Variants in GSK3B observed in about 807,000 individuals in gnomAD.
GSK3B encodes glycogen synthase kinase-3 beta.
A neutral mutation model predicts 56.4 loss-of-function variants in GSK3B; 15 were observed. That is an observed-to-expected ratio of 0.27 (90% confidence interval 0.18 to 0.41). The LOEUF (loss-of-function observed/expected upper bound fraction) is 0.41, where lower values mean the gene tolerates loss of function less well. GSK3B is among the 10% of genes least tolerant of loss of function. The probability of loss-of-function intolerance (pLI) is 1.00; values close to 1 mark genes in which losing one functional copy is unlikely to be tolerated. For missense variants in GSK3B, 300 were observed against 513.4 expected (o/e 0.58, Z 4.02); for synonymous variants, 181 against 188.9 (o/e 0.96, Z 0.34).
At chr3:120,052,120 G>A (rs2058155502) in intron 1 of GSK3B, among the ~76,000 whole-genome samples, 1 of 152,136 alleles carries the variant, frequency 6.6e-6, no homozygotes, top group Non-Finnish European at 1.5e-5. Context: ...TCAATAAAGA[G>A]GGCTACCCCA....
intron 2 of GSK3B, among the ~76,000 whole-genome samples, chr3:119,960,724 A>G (rs1181370812): frequency 6.6e-6 from 1 of 152,228 alleles, no homozygotes; most frequent in Non-Finnish European, 1.5e-5. Flanking sequence ...ATTTACTCTC[A>G]GCAATCCTTA....
chr3:119,924,673 C>T (rs991418499), intron 3 of GSK3B, among the ~76,000 whole-genome samples: 6 of 152,212 alleles, frequency 3.9e-5, no homozygotes, highest in African/African-American at 1.4e-4. Flanking sequence ...CCTCTCTTCC[C>T]TTCTTAGCCT....
chr3:120,036,600 C>T (rs1026118008), intron 1 of GSK3B, among the ~76,000 whole-genome samples: 10 of 151,958 alleles, frequency 6.6e-5, no homozygotes, highest in Non-Finnish European at 1.0e-4. Flanking sequence ...CAAGACCAGC[C>T]GGGCCAACAT....
chr3:119,913,566 T>C (rs1576194896), intron 5 of GSK3B, among the ~76,000 whole-genome samples: 1 of 152,074 alleles, frequency 6.6e-6, no homozygotes, highest in South Asian at 2.1e-4. Flanking sequence ...TAAAATAAAC[T>C]GCTGTAGAAG....
rs148381189 is a variant in GSK3B, at chr3:119,880,045, C to T, written c.814-3537G>A. The stretch of plus-strand genomic sequence containing the variant: ...TTTAGTTTTTTTAGGAGCCTCCAAA[C>T]TGTTCTCCATGGAAGCAGTACTAAC... On this transcript the variant is annotated intron_variant, in intron 7 of 10. Coordinates refer to ENST00000264235, the MANE Select transcript of GSK3B (RefSeq NM_001146156.2). 7.6e-3 allele frequency among the ~76,000 whole-genome samples: 1,154 copies of T among 152,260 alleles called. 5 individuals are homozygous for T. The highest frequency in any genetic ancestry group is 0.012 in the Non-Finnish European group (835 of 68,022).
chr3:119,986,925 G>A (rs1005914563), intron 2 of GSK3B, among the ~76,000 whole-genome samples: 5 of 152,040 alleles, frequency 3.3e-5, no homozygotes, highest in South Asian at 2.1e-4. Flanking sequence ...TGGAACCAAC[G>A]CAAATGTCCA....
At chr3:119,831,840 T>C (rs1363756725) in intron 10 of GSK3B, among the ~76,000 whole-genome samples, 2 of 152,168 alleles carry the variant, frequency 1.3e-5, no homozygotes, top group Non-Finnish European at 2.9e-5. Flanking sequence ...ACCTGTCTAA[T>C]GCTACTATGG....
At chr3:119,998,534 A>G (rs559757209) in intron 2 of GSK3B, among the ~76,000 whole-genome samples, 2 of 152,348 alleles carry the variant, frequency 1.3e-5, no homozygotes, top group South Asian at 4.1e-4. Context: ...AAGCACTGAG[A>G]TAATAAAATC....
At chr3:119,896,185 G>A (rs1244125279) in intron 7 of GSK3B, among the ~76,000 whole-genome samples, 3 of 150,896 alleles carry the variant, frequency 2.0e-5, no homozygotes, top group Admixed American at 6.6e-5. Context: ...GACTGTTTTG[G>A]ACTTCATTCT....
At position 119,824,290 on chromosome 3, in the gene GSK3B, CCCA is replaced by C. The variant is rs1427491802; in HGVS notation, c.*2495_*2497del. 1.8e-5 allele frequency: 4 copies of C among 226,170 alleles called. No individual in the cohort carries two copies. In the East Asian group the frequency reaches 2.5e-4, roughly 14 times the overall value. 14.0% of individuals were successfully genotyped at this position (226,170 alleles called of 1,614,324 possible). On this transcript the variant is annotated 3_prime_UTR_variant, in exon 11 of 11. Transcript: ENST00000264235. ...CACTTGTATAAAAGAGTTCTGTGAT[CCCA>C]CCATGATCCTTGAGAAAGAAAAATC...
intron 1 of GSK3B, among the ~76,000 whole-genome samples, chr3:120,083,783 G>A (rs71327208): frequency 1.3e-5 from 2 of 152,056 alleles, no homozygotes; most frequent in Admixed American, 6.6e-5. Context: ...TAAACAAATC[G>A]CAGGATTTCC....
intron 10 of GSK3B, chr3:119,832,877 G>A (rs765995100): frequency 7.7e-5 from 42 of 546,830 alleles, no homozygotes; most frequent in Non-Finnish European, 9.3e-5. Flanking sequence ...TTGTCCTGGA[G>A]TAAATTTTCA....
intron 9 of GSK3B, among the ~76,000 whole-genome samples, chr3:119,861,263 C>T (rs62264709): frequency 0.018 from 2,794 of 152,238 alleles, 51 homozygotes; most frequent in Middle Eastern, 0.041. Context: ...GTAATCCCAG[C>T]ACTTTGGGAG....
intron 1 of GSK3B, among the ~76,000 whole-genome samples, chr3:120,005,539 C>T (rs1257238120): frequency 6.6e-6 from 1 of 152,152 alleles, no homozygotes; most frequent in Non-Finnish European, 1.5e-5. Flanking sequence ...GGTTGGGTTA[C>T]CCACAAAGGG....
At chr3:119,930,876 A>G (rs1048148751) in intron 3 of GSK3B, among the ~76,000 whole-genome samples, 2 of 152,238 alleles carry the variant, frequency 1.3e-5, no homozygotes, top group African/African-American at 4.8e-5. Flanking sequence ...TATTGGCCAC[A>G]TATTTTATTC....
intron 2 of GSK3B, among the ~76,000 whole-genome samples, chr3:119,979,972 T>C (rs913595487): frequency 1.3e-5 from 2 of 152,128 alleles, no homozygotes; most frequent in African/African-American, 2.4e-5. Context: ...AATAATCCAA[T>C]TGGGAAATTA....
chr3:119,855,828 G>A (rs1017643897), intron 9 of GSK3B, among the ~76,000 whole-genome samples: 6 of 151,744 alleles, frequency 4.0e-5, no homozygotes, highest in Non-Finnish European at 5.9e-5. Context: ...GGGGCCTGTC[G>A]TGCGGTGGGG....
intron 1 of GSK3B, among the ~76,000 whole-genome samples, chr3:120,051,723 T>C (rs2058151749): frequency 6.8e-6 from 1 of 148,076 alleles, no homozygotes; most frequent in Admixed American, 6.8e-5. Flanking sequence ...GCAGAGATCA[T>C]GCCACTGCAC....
At chr3:119,933,119 G>A (rs1028504638) in intron 3 of GSK3B, among the ~76,000 whole-genome samples, 3 of 152,024 alleles carry the variant, frequency 2.0e-5, no homozygotes, top group African/African-American at 7.3e-5. Context: ...ATGGAAATAC[G>A]CATTAACAGA....
Sources: allele counts gnomAD v4.1 joint callset (sites outside exome capture counted in the v4.1 genomes callset), GRCh38; gene constraint gnomAD v4.1.1; transcripts MANE v1.5; gene names NCBI Gene and HGNC (gene_info 2026-07-23, HGNC 2026-07-21).